Variants in FOXJ3 observed in about 807,000 individuals in gnomAD.
FOXJ3 encodes forkhead box protein J3.
Under a neutral mutation model 76.1 loss-of-function variants are expected in FOXJ3, and 22 were observed. The observed-to-expected ratio is 0.29, with a 90% confidence interval of 0.21 to 0.41. The LOEUF is 0.41. FOXJ3 is among the 10% of genes least tolerant of loss of function. FOXJ3 has a pLI of 1.00. For missense variants in FOXJ3, 613 were observed against 762.1 expected (o/e 0.80, Z 2.30); for synonymous variants, 269 against 261.2 (o/e 1.03, Z -0.29).
chr1:42,286,181 TA>T (rs1408705360), intron 2 of FOXJ3, among the ~76,000 whole-genome samples: 1 of 152,228 alleles, frequency 6.6e-6, no homozygotes, highest in African/African-American at 2.4e-5. Flanking sequence ...TAATGTAAAA[TA>T]AATTTTTTTA....
chr1:42,232,571 T>G (rs890386775), intron 4 of FOXJ3, among the ~76,000 whole-genome samples: 8 of 150,794 alleles, frequency 5.3e-5, no homozygotes, highest in Non-Finnish European at 7.4e-5. Flanking sequence ...TTTTTTCATG[T>G]GTCTTTTGGC....
Position 42,188,837 on chromosome 1 carries a change from G to A in FOXJ3, c.1545C>T (p.Phe515=), listed in dbSNP as rs58227404. Residue 515 remains phenylalanine, a synonymous_variant, in exon 11 of 13, where the codon TTC becomes TTT. Transcript: ENST00000361346. ...FADLCSSLNQ[F]FTQTGLIHSQ... ...AATGTATAAGGCCAGTTTGTGTAAA[G>A]AACTGATTAAGAGAAGAACAAAGAT... is the stretch of plus-strand genomic sequence containing the variant. 6.2e-7 allele frequency: 1 copy of A among 1,613,122 alleles called. No individual in the cohort carries two copies. Among genetic ancestry groups the A allele is most frequent in the Non-Finnish European group, 8.5e-7 (1 of 1,179,188 alleles).
At chr1:42,263,272 A>C (rs1247422314) in intron 4 of FOXJ3, among the ~76,000 whole-genome samples, 1 of 152,226 alleles carries the variant, frequency 6.6e-6, no homozygotes, top group Non-Finnish European at 1.5e-5. Flanking sequence ...TGATAGAATT[A>C]AGCATTCATG....
chr1:42,227,856 A>G, intron 5 of FOXJ3, 27 bp downstream of exon 5: 1 of 1,382,540 alleles, frequency 7.2e-7, no homozygotes, highest in Non-Finnish European at 1.0e-6. Flanking sequence ...AATGCATTAC[A>G]CTAAATTTAT....
At chr1:42,196,413 C>T (rs982992541) in intron 7 of FOXJ3, among the ~76,000 whole-genome samples, 3 of 152,176 alleles carry the variant, frequency 2.0e-5, no homozygotes, top group Non-Finnish European at 2.9e-5. Flanking sequence ...GTAGCAGGGC[C>T]GGGTGCAGTG....
rs201486136 is a variant in FOXJ3, at chr1:42,179,769, G to C, written c.1810C>G (p.Arg604Gly). The part of the protein sequence containing the change: ...HMMPSQAFQM[R>G]RSLPPDDIQD... ...ATGTCATCTGGAGGCAGGGAACGCC[G>C]CATCTGGAAGGCTTGGGAAGGCATC... The change falls in exon 13 of 13, where the codon CGG (arginine) becomes GGG (glycine). Residue 604 changes from arginine to glycine, a missense_variant. Around this residue, in one of 3 missense-constraint regions of FOXJ3, gnomAD observed 526 missense variants for 601.4 expected, o/e 0.87. Transcript: ENST00000361346. 2.9e-5 allele frequency: 47 copies of C among 1,613,972 alleles called. No individual in the cohort carries two copies. In the East Asian group the frequency reaches 1.0e-3, roughly 35 times the overall value.
At chr1:42,302,252 A>G (rs1471133105) in intron 2 of FOXJ3, among the ~76,000 whole-genome samples, 1 of 152,214 alleles carries the variant, frequency 6.6e-6, no homozygotes, top group East Asian at 1.9e-4. Flanking sequence ...GTGTCATGCA[A>G]TTAAACTTCC....
intron 4 of FOXJ3, among the ~76,000 whole-genome samples, chr1:42,230,770 T>A (rs1278188209): frequency 8.6e-6 from 1 of 116,934 alleles, no homozygotes; most frequent in Non-Finnish European, 1.9e-5. Flanking sequence ...TGTGTGACGG[T>A]GTAACCACTG....
At chr1:42,327,618 A>C (rs748786237) in intron 1 of FOXJ3, among the ~76,000 whole-genome samples, 7 of 152,044 alleles carry the variant, frequency 4.6e-5, no homozygotes, top group Non-Finnish European at 1.0e-4. Context: ...CATTCCTCTC[A>C]CAAATCTGTT....
chr1:42,179,886 TA>T, intron 12 of FOXJ3, 61 bp from the exon 13 acceptor site: 1 of 1,023,060 alleles, frequency 9.8e-7, no homozygotes, highest in Non-Finnish European at 1.6e-6. Flanking sequence ...AGAAATAAAC[TA>T]ACCCCTACTG....
At chr1:42,222,656 C>G (rs1242423897) in intron 5 of FOXJ3, among the ~76,000 whole-genome samples, 3 of 152,102 alleles carry the variant, frequency 2.0e-5, no homozygotes, top group Non-Finnish European at 4.4e-5. Flanking sequence ...ACTGTGTTCC[C>G]ACTCAAATCC....
intron 11 of FOXJ3, 97 bp from the exon 12 acceptor site, chr1:42,182,121 A>G (rs1380837988): frequency 1.5e-6 from 1 of 666,246 alleles, no homozygotes; most frequent in Middle Eastern, 3.0e-4. Flanking sequence ...CTGAAAGTAA[A>G]TTAAGCAGGT....
chr1:42,249,535 G>A (rs769162054), intron 4 of FOXJ3, among the ~76,000 whole-genome samples: 7 of 152,192 alleles, frequency 4.6e-5, no homozygotes, highest in Non-Finnish European at 1.0e-4. Flanking sequence ...GCAAAGTGAC[G>A]ATTTCTAGAA....
chr1:42,210,815 T>C (rs1489198832), intron 5 of FOXJ3, among the ~76,000 whole-genome samples: 2 of 152,116 alleles, frequency 1.3e-5, no homozygotes, highest in Non-Finnish European at 2.9e-5. Context: ...ACTGAATCCC[T>C]TGCATACATT....
At chr1:42,298,307 TA>T (rs554895325) in intron 2 of FOXJ3, among the ~76,000 whole-genome samples, 145 of 152,364 alleles carry the variant, frequency 9.5e-4, no homozygotes, top group Non-Finnish European at 1.6e-3. Flanking sequence ...GAGAACAGAC[TA>T]ATACAGAAGT....
chr1:42,299,506 G>T (rs72954213), intron 2 of FOXJ3, among the ~76,000 whole-genome samples: 1 of 148,632 alleles, frequency 6.7e-6, no homozygotes, highest in Non-Finnish European at 1.5e-5. Context: ...CAGTGTGTGT[G>T]GGGGGGTCTC....
Position 42,310,433 on chromosome 1 carries a change from C to T in FOXJ3, c.44+617G>A, listed in dbSNP as rs895044286. ...TGCTAGGATTACAGGCATGAGCCAC[C>T]GCACCTGGGCTTTTTTCTTTTTTTT... is the stretch of plus-strand genomic sequence containing the variant. On this transcript the variant is annotated intron_variant, in intron 2 of 12. Transcript: ENST00000361346. 5.3e-5 allele frequency among the ~76,000 whole-genome samples: 8 copies of T among 151,010 alleles called. No individual in the cohort carries two copies. The South Asian group carries it at 1.3e-3, about 24-fold the overall frequency.
At chr1:42,206,116 T>A in intron 5 of FOXJ3, 1 of 385,364 alleles carries the variant, frequency 2.6e-6, no homozygotes. Context: ...AAATTACAAA[T>A]AAACTTCTGT....
At chr1:42,244,057 G>C (rs1056934853) in intron 4 of FOXJ3, among the ~76,000 whole-genome samples, 1 of 152,098 alleles carries the variant, frequency 6.6e-6, no homozygotes, top group African/African-American at 2.4e-5. Context: ...TAAACAAGAT[G>C]CTCCTGAATG....
Sources: gnomAD v4.1 joint callset for allele counts (sites outside exome capture counted in the v4.1 genomes callset) on GRCh38, gnomAD v4.1.1 for gene constraint, gnomAD v4.1.1 regional missense constraint, MANE v1.5 for transcripts, NCBI Gene and HGNC (gene_info 2026-07-23, HGNC 2026-07-21) for gene names.